NXPE2: variants seen among roughly 807,000 people sequenced by gnomAD.
NXPE2 encodes NXPE family member 2.
Under a neutral mutation model 34.4 loss-of-function variants are expected in NXPE2, and 34 were observed. The observed-to-expected ratio is 0.99, with a 90% CI of 0.75 to 1.31. The LOEUF is 1.31. Ranked by LOEUF, NXPE2 falls within the 40% of genes most tolerant of loss-of-function variation. The probability of loss-of-function intolerance (pLI) is 0.00; values close to 1 mark genes in which losing one functional copy is unlikely to be tolerated. For missense variants in NXPE2, 649 were observed against 672.5 expected (o/e 0.97, Z 0.39); for synonymous variants, 235 against 231.3 (o/e 1.02, Z -0.15).
the NXPE2 span, among the ~76,000 whole-genome samples, chr11:114,587,028 C>G: frequency 6.6e-6 from 1 of 152,118 alleles, no homozygotes; most frequent in Non-Finnish European, 1.5e-5. Context: ...TCAAGGTCAA[C>G]AGCATCACCT....
At chr11:114,482,996 C>A in the NXPE2 span, among the ~76,000 whole-genome samples, 3 of 152,138 alleles carry the variant, frequency 2.0e-5, no homozygotes, top group Non-Finnish European at 2.9e-5. Flanking sequence ...CACTTCCTAG[C>A]GTTTGTCATT....
At chr11:114,640,420 A>T in the NXPE2 span, among the ~76,000 whole-genome samples, 7 of 151,262 alleles carry the variant, frequency 4.6e-5, no homozygotes, top group African/African-American at 1.7e-4. Context: ...TGCAATATAT[A>T]TTCACGTGCA....
chr11:114,519,446 G>A, the NXPE2 span, among the ~76,000 whole-genome samples: 2 of 152,184 alleles, frequency 1.3e-5, no homozygotes, highest in Non-Finnish European at 2.9e-5. Context: ...GCAAAACTTA[G>A]TCTCTTTCCT....
At chr11:114,574,003 T>C in the NXPE2 span, among the ~76,000 whole-genome samples, 1 of 151,834 alleles carries the variant, frequency 6.6e-6, no homozygotes, top group South Asian at 2.1e-4. Context: ...CAAAATTATA[T>C]CAAGTACTCT....
chr11:114,674,550 T>A, upstream of NXPE2, among the ~76,000 whole-genome samples: 1 of 149,078 alleles, frequency 6.7e-6, no homozygotes, highest in Non-Finnish European at 1.5e-5. Flanking sequence ...ACATGAAAGA[T>A]AAGGAGGAAT....
chr11:114,685,147 T>C (rs1469900145), intron 2 of NXPE2, among the ~76,000 whole-genome samples: 9 of 152,178 alleles, frequency 5.9e-5, no homozygotes, highest in Admixed American at 5.9e-4. Context: ...TCCCTTAATA[T>C]ATATAAATCT....
intron 2 of NXPE2, among the ~76,000 whole-genome samples, chr11:114,685,969 G>T (rs1340407357): frequency 6.6e-6 from 1 of 152,048 alleles, no homozygotes; most frequent in Non-Finnish European, 1.5e-5. Context: ...ACGGCAACAT[G>T]AAGGAAAGGA....
chr11:114,732,969 C>T, the NXPE2 span, among the ~76,000 whole-genome samples: 4 of 152,178 alleles, frequency 2.6e-5, no homozygotes, highest in African/African-American at 9.7e-5. Flanking sequence ...TTATAACACT[C>T]TGAGGCTATT....
chr11:114,752,759 A>G, the NXPE2 span, among the ~76,000 whole-genome samples: 1 of 152,160 alleles, frequency 6.6e-6, no homozygotes, highest in African/African-American at 2.4e-5. Context: ...AGTTTTAGAT[A>G]TATTAAATTT....
chr11:114,787,733 C>T, the NXPE2 span, among the ~76,000 whole-genome samples: 1 of 152,072 alleles, frequency 6.6e-6, no homozygotes, highest in Non-Finnish European at 1.5e-5. Context: ...ATCTATCCAC[C>T]CCTCTGAATC....
the NXPE2 span, among the ~76,000 whole-genome samples, chr11:114,535,343 A>C: frequency 2.0e-5 from 3 of 152,214 alleles, no homozygotes; most frequent in Non-Finnish European, 4.4e-5. Context: ...AATTGTAAAG[A>C]ATATCAAGGC....
the NXPE2 span, among the ~76,000 whole-genome samples, chr11:114,507,588 A>G: frequency 6.6e-6 from 1 of 152,226 alleles, no homozygotes; most frequent in East Asian, 1.9e-4. Context: ...TTAGTTCAAC[A>G]TACACAAATC....
the NXPE2 span, chr11:114,512,966 G>T: frequency 3.0e-6 from 1 of 338,746 alleles, no homozygotes; most frequent in Non-Finnish European, 6.0e-6. Flanking sequence ...TCACAGTGTT[G>T]GTGTCTCGCC....
At chr11:114,502,735 T>G in the NXPE2 span, among the ~76,000 whole-genome samples, 1 of 152,344 alleles carries the variant, frequency 6.6e-6, no homozygotes, top group South Asian at 2.1e-4. Context: ...CTATTTTTGC[T>G]TATGGCAGAT....
At chr11:114,764,753 A>G in the NXPE2 span, among the ~76,000 whole-genome samples, 1 of 152,288 alleles carries the variant, frequency 6.6e-6, no homozygotes, top group South Asian at 2.1e-4. Flanking sequence ...GGGCTAAGTT[A>G]TGATGCAATA....
the NXPE2 span, among the ~76,000 whole-genome samples, chr11:114,777,460 C>G: frequency 6.6e-6 from 1 of 152,148 alleles, no homozygotes; most frequent in Non-Finnish European, 1.5e-5. Context: ...TAACCTACAT[C>G]TTAACATTCT....
At chr11:114,612,952 G>A in the NXPE2 span, among the ~76,000 whole-genome samples, 1 of 151,804 alleles carries the variant, frequency 6.6e-6, no homozygotes, top group African/African-American at 2.4e-5. Flanking sequence ...ACTGTTACCT[G>A]CTGGATAATA....
chr11:114,527,873 C>T, the NXPE2 span: 2 of 1,606,342 alleles, frequency 1.2e-6, no homozygotes, highest in Non-Finnish European at 1.7e-6. Context: ...TGTTTACGAT[C>T]CTTCATCATT....
chr11:114,749,565 T>G, the NXPE2 span, among the ~76,000 whole-genome samples: 1 of 152,170 alleles, frequency 6.6e-6, no homozygotes, highest in Admixed American at 6.5e-5. Context: ...CTATATAATC[T>G]CCAAAAGTTC....
Sources: allele counts gnomAD v4.1 joint callset (sites outside exome capture counted in the v4.1 genomes callset), GRCh38; gene constraint gnomAD v4.1.1; transcripts MANE v1.5; gene names NCBI Gene and HGNC (gene_info 2026-07-23, HGNC 2026-07-21).